GOLPH3: variants seen among roughly 807,000 people sequenced by gnomAD.
GOLPH3 encodes the protein coat protein GPP34.
GOLPH3 carries 14 observed loss-of-function variants against 28.5 expected under a neutral mutation model. The observed-to-expected ratio is 0.49, with a 90% CI of 0.32 to 0.77. The LOEUF (loss-of-function observed/expected upper bound fraction) is 0.77, where lower values mean the gene tolerates loss of function less well. Among genes scored for constraint, GOLPH3 ranks in the 30% least tolerant of loss-of-function variants. The pLI is 0.03. For missense variants in GOLPH3, 350 were observed against 393.7 expected (o/e 0.89, Z 0.94); for synonymous variants, 158 against 159.2 (o/e 0.99, Z 0.06).
intron 2 of GOLPH3, among the ~76,000 whole-genome samples, chr5:32,141,725 C>A (rs543513724): frequency 6.6e-6 from 1 of 152,328 alleles, no homozygotes; most frequent in Non-Finnish European, 1.5e-5. Flanking sequence ...CCTCAGCTAG[C>A]CGAGTGCCTG....
At chr5:32,158,132 TACACACACAC>T (rs70961610) in intron 1 of GOLPH3, among the ~76,000 whole-genome samples, 557 of 33,626 alleles carry the variant, frequency 0.017, 9 homozygotes, top group Non-Finnish European at 0.019. Context: ...ATAAATAAAA[TACACACACAC>T]ACACACACAC....
At chr5:32,126,697 T>A in intron 3 of GOLPH3, 61 bp from the exon 4 acceptor site, 3 of 1,330,830 alleles carry the variant, frequency 2.3e-6, no homozygotes, top group Non-Finnish European at 3.1e-6. Flanking sequence ...TTGCAAAAAT[T>A]TTGTACTATT....
chr5:32,142,071 T>G (rs1447156061), intron 2 of GOLPH3, among the ~76,000 whole-genome samples: 1 of 150,126 alleles, frequency 6.7e-6, no homozygotes, highest in African/African-American at 2.5e-5. Context: ...GCCCATCGTC[T>G]GGGATGTGAG....
intron 2 of GOLPH3, among the ~76,000 whole-genome samples, chr5:32,135,937 GGCTGAGGCAA>G (rs1487887716): frequency 6.6e-6 from 1 of 152,150 alleles, no homozygotes; most frequent in Non-Finnish European, 1.5e-5. Flanking sequence ...CCCAGGGGGA[GGCTGAGGCAA>G]GCAGATCACT....
Position 32,126,079 on chromosome 5 carries a change from A to G in GOLPH3, c.*133T>C. 2 of 909,318 alleles carry G rather than the reference A, an allele frequency of 2.2e-6. No homozygotes were observed. Among genetic ancestry groups the G allele is most frequent in the Non-Finnish European group, 3.4e-6 (2 of 592,756 alleles). 56.3% of individuals were successfully genotyped at this position (909,318 alleles called of 1,614,324 possible). A position where few individuals can be genotyped will look rare whatever the true frequency, so the allele number is the denominator to read the frequency against. ...TCCTGTACACGTACAAAAAAGAAAA[A>G]GCCACCCACCATTTTGTAAAACAGA... On this transcript the variant is annotated 3_prime_UTR_variant, in exon 4 of 4. Coordinates refer to ENST00000265070, the MANE Select transcript of GOLPH3 (RefSeq NM_022130.4).
chr5:32,145,148 A>G (rs1019961554), intron 1 of GOLPH3, among the ~76,000 whole-genome samples: 2 of 152,240 alleles, frequency 1.3e-5, no homozygotes, highest in African/African-American at 4.8e-5. Context: ...AGGTCCATCA[A>G]ACTTCATTTT....
Position 32,173,840 on chromosome 5 carries a change from T to G in GOLPH3, c.195A>C (p.Glu65Asp). The part of the protein sequence containing the change: ...SKETRLTLME[E>D]VLLLGLKDRE... ...GGTCCTTGAGGCCCAGCAGGAGCACTTCCTCCATCAGGGTCAGCCGCGTTT... is the reference window on the plus strand; with the variant it reads ...GGTCCTTGAGGCCCAGCAGGAGCACGTCCTCCATCAGGGTCAGCCGCGTTT... The change falls in exon 1 of 4, where the codon GAA becomes GAC. Residue 65 changes from glutamate (E) to aspartate (D), a missense_variant. By Grantham distance (45) the Glu-to-Asp change is conservative. Transcript: ENST00000265070. 2.7e-6 allele frequency: 4 copies of G among 1,504,796 alleles called. No homozygotes were observed. Among genetic ancestry groups the G allele is most frequent in the Non-Finnish European group, 3.5e-6 (4 of 1,127,676 alleles). 93.2% of individuals were successfully genotyped at this position (1,504,796 alleles called of 1,614,324 possible).
intron 1 of GOLPH3, among the ~76,000 whole-genome samples, chr5:32,161,684 T>G (rs527521539): frequency 6.6e-6 from 1 of 151,348 alleles, no homozygotes; most frequent in Non-Finnish European, 1.5e-5. Flanking sequence ...AGAGGAATCA[T>G]GGAACCAATC....
At chr5:32,162,563 C>T (rs1561682719) in intron 1 of GOLPH3, among the ~76,000 whole-genome samples, 2 of 151,954 alleles carry the variant, frequency 1.3e-5, no homozygotes, top group Admixed American at 6.6e-5. Flanking sequence ...GTAAAACGTT[C>T]AGTAAGCCCA....
At chr5:32,142,814 CAGG>C (rs1351163419) in intron 2 of GOLPH3, among the ~76,000 whole-genome samples, 1 of 145,704 alleles carries the variant, frequency 6.9e-6, no homozygotes, top group Non-Finnish European at 1.5e-5. Flanking sequence ...CTGCCCCGTC[CAGG>C]AGGGAGGTGG....
Position 32,173,986 on chromosome 5 carries a change from C to T in GOLPH3, c.49G>A (p.Glu17Lys). The T allele has an allele frequency of 1.5e-6, 2 of 1,365,950 alleles. No homozygotes were observed. Among genetic ancestry groups the T allele is most frequent in the South Asian group, 1.8e-5 (1 of 56,204 alleles). 84.6% of individuals were successfully genotyped at this position (1,365,950 alleles called of 1,614,324 possible). ...TTGTCGGCGGCGTTGCGGGAGGCCTCGGTGCGCCGCTGCACCAGGCCGGAG... is the reference window on the plus strand; with the variant it reads ...TTGTCGGCGGCGTTGCGGGAGGCCTTGGTGCGCCGCTGCACCAGGCCGGAG... ...RSSGLVQRRTEASRNAADKER... is the reference protein window; with the variant it reads ...RSSGLVQRRTKASRNAADKER... Residue 17 changes from glutamate (E) to lysine (K), a missense_variant, in exon 1 of 4, where the codon GAG becomes AAG. By Grantham distance (56) the Glu-to-Lys change is moderately conservative. Transcript: ENST00000265070.
intron 1 of GOLPH3, among the ~76,000 whole-genome samples, chr5:32,172,940 T>C (rs909195781): frequency 7.9e-5 from 12 of 152,224 alleles, no homozygotes; most frequent in African/African-American, 2.9e-4. Context: ...AGAGTATATA[T>C]GCATATGTAT....
intron 1 of GOLPH3, among the ~76,000 whole-genome samples, chr5:32,154,446 G>A (rs560100656): frequency 7.9e-5 from 12 of 152,302 alleles, no homozygotes; most frequent in African/African-American, 2.9e-4. Context: ...TGAGATATCT[G>A]CAATAACTGT....
intron 2 of GOLPH3, among the ~76,000 whole-genome samples, chr5:32,141,737 G>A (rs751155839): frequency 2.6e-5 from 4 of 152,260 alleles, no homozygotes; most frequent in Admixed American, 6.5e-5. Flanking sequence ...GAGTGCCTGC[G>A]ATTGCAGGCG....
chr5:32,163,545 T>C (rs1215375026), intron 1 of GOLPH3, among the ~76,000 whole-genome samples: 1 of 152,096 alleles, frequency 6.6e-6, no homozygotes, highest in Non-Finnish European at 1.5e-5. Context: ...TCCCAGCTAC[T>C]TGGGAGGCTG....
intron 1 of GOLPH3, among the ~76,000 whole-genome samples, chr5:32,163,432 C>T (rs914498719): frequency 2.0e-5 from 3 of 152,128 alleles, no homozygotes; most frequent in Admixed American, 6.6e-5. Context: ...GATCCCAGCA[C>T]TTTGGGAGGC....
In GOLPH3 at chr5:32,125,410, A is replaced by G. The variant is rs115632420; in HGVS notation, c.*802T>C. On this transcript the variant is annotated 3_prime_UTR_variant, in exon 4 of 4. Coordinates refer to ENST00000265070, the MANE Select transcript of GOLPH3 (RefSeq NM_022130.4). ...GACACACATCTTTTCTCTCTCCTTC[A>G]GCGACAAGAGGTCGATTTTGCCATC... 1.7e-3 allele frequency: 255 copies of G among 152,816 alleles called. 3 individuals carry two copies. The highest frequency in any genetic ancestry group is 1.7e-3 in the Non-Finnish European group (116 of 68,052). 9.5% of individuals were successfully genotyped at this position (152,816 alleles called of 1,614,324 possible).
rs115034327 is a variant in GOLPH3, at chr5:32,151,419, G to C, written c.226-7539C>G. ...CACATGCCTGTAGACCTAGCTACTC[G>C]GGAGGACTTGAGCCTGGGAGGTTGA... is the stretch of plus-strand genomic sequence containing the variant. On this transcript the variant is annotated intron_variant, in intron 1 of 3. Coordinates refer to ENST00000265070, the MANE Select transcript of GOLPH3 (RefSeq NM_022130.4). 6.9e-3 allele frequency among the ~76,000 whole-genome samples: 1,048 copies of C among 152,180 alleles called. 9 individuals are homozygous for C. Among genetic ancestry groups the C allele is most frequent in the African/African-American group, 0.024 (976 of 41,524 alleles).
intron 1 of GOLPH3, among the ~76,000 whole-genome samples, chr5:32,171,274 G>A (rs73752827): frequency 0.011 from 1,611 of 151,476 alleles, 34 homozygotes; most frequent in African/African-American, 0.038. Flanking sequence ...AATAGCTGAT[G>A]AGCTTTAAAA....
Sources: gnomAD v4.1 joint callset for allele counts (sites outside exome capture counted in the v4.1 genomes callset) on GRCh38, gnomAD v4.1.1 for gene constraint, MANE v1.5 for transcripts, NCBI Gene and HGNC (gene_info 2026-07-23, HGNC 2026-07-21) for gene names.